The following WNT9B variants were observed in gnomAD, a reference collection of about 807,000 sequenced individuals.
WNT9B encodes the protein protein Wnt-9b.
Under a neutral mutation model 30.2 loss-of-function variants are expected in WNT9B, and 12 were observed. The observed-to-expected ratio is 0.40, with a 90% confidence interval of 0.26 to 0.64. WNT9B has a LOEUF of 0.64. Ranked by LOEUF, WNT9B falls within the 30% of genes least tolerant of loss-of-function variation. The probability of loss-of-function intolerance (pLI) is 0.42; values close to 1 mark genes in which losing one functional copy is unlikely to be tolerated. For missense variants in WNT9B, 442 were observed against 485.2 expected, an observed-to-expected ratio of 0.91 and a Z score of 0.84; for synonymous variants, 218 against 216.9, an observed-to-expected ratio of 1.01 and a Z score of -0.05.
At chr17:46,883,127 C>G (rs183175932), downstream of WNT9B, among the ~76,000 whole-genome samples, 3 of 150,684 alleles carry the variant, frequency 2.0e-5, no homozygotes, top group African/African-American at 4.9e-5. Flanking sequence ...TCCAGGTGCC[C>G]GCCACCACGC....
intron 1 of WNT9B, among the ~76,000 whole-genome samples, chr17:46,861,665 T>C (rs1434122889): frequency 6.6e-6 from 1 of 152,122 alleles, no homozygotes; most frequent in East Asian, 1.9e-4. Flanking sequence ...TGGCCTCTTC[T>C]ACACCCAAGC....
chr17:46,876,796 G>T lies in WNT9B; in HGVS notation c.*78G>T. On this transcript the variant is annotated 3_prime_UTR_variant, in exon 4 of 4. Coordinates refer to ENST00000290015, the MANE Select transcript of WNT9B (RefSeq NM_003396.3). The stretch of plus-strand genomic sequence containing the variant: ...TTCAAGCTGCCCAGCCGGCCCTCTG[G>T]GCAGACTGTCATCACATGCATGCAT... 6.8e-7 allele frequency: 1 copy of T among 1,459,906 alleles called. No individual in the cohort carries two copies. The highest frequency in any genetic ancestry group is 9.1e-7 in the Non-Finnish European group (1 of 1,102,338). The allele number at this position is 1,459,906 out of a possible 1,614,324, so 90.4% of individuals were successfully genotyped here. A position where few individuals can be genotyped will look rare whatever the true frequency, so the allele number is the denominator to read the frequency against.
chr17:46,838,941 G>T (rs2084666134), intron 1 of WNT9B, among the ~76,000 whole-genome samples: 1 of 152,018 alleles, frequency 6.6e-6, no homozygotes, highest in Non-Finnish European at 1.5e-5. Flanking sequence ...GAAGTGGAGT[G>T]ATCTTGGCTC....
At chr17:46,876,130 C>A in intron 3 of WNT9B, 115 bp from the exon 4 acceptor site, 1 of 1,011,612 alleles carries the variant, frequency 9.9e-7, no homozygotes. Flanking sequence ...GGCTGAGACC[C>A]TGGGTCTCTT....
chr17:46,880,612 C>T (rs946148146), downstream of WNT9B, among the ~76,000 whole-genome samples: 5 of 152,126 alleles, frequency 3.3e-5, no homozygotes, highest in African/African-American at 7.2e-5. Flanking sequence ...ACATGGTCCC[C>T]GTAATGGATA....
In WNT9B at chr17:46,842,774, A is replaced by G. The variant is rs1184130763; in HGVS notation, c.95+9334A>G. Among the ~76,000 whole-genome samples, 3 of 152,204 alleles carry G rather than the reference A, an allele frequency of 2.0e-5. No homozygotes were observed. The East Asian group carries it at 5.8e-4, about 29-fold the overall frequency. ...GTGATGCTCAAAACGTAGCTGTGGA[A>G]TGATTAGTTTTTTGAAACCATCCAG... On this transcript the variant is annotated intron_variant, in intron 1 of 2. Coordinates refer to the WNT9B transcript ENST00000575372.
At chr17:46,867,853 G>A (rs2085165810) in intron 1 of WNT9B, among the ~76,000 whole-genome samples, 1 of 152,102 alleles carries the variant, frequency 6.6e-6, no homozygotes, top group Non-Finnish European at 1.5e-5. Flanking sequence ...CAAGTGGTTG[G>A]GGGTGTCCTG....
chr17:46,838,310 C>T lies in WNT9B; in HGVS notation c.95+4870C>T, dbSNP rs9905276. ...GGTCAGTGGATCAGAAGAGATAGAA[C>T]GGGGCCTGCCTTAAAAAAAAAAAAA... On this transcript the variant is annotated intron_variant, in intron 1 of 2. Transcript: ENST00000575372. Among the ~76,000 whole-genome samples, 1,276 of 146,744 alleles carry T rather than the reference C, an allele frequency of 8.7e-3. 13 individuals are homozygous for T. The highest frequency in any genetic ancestry group is 0.032 in the African/African-American group (1,232 of 38,612).
chr17:46,838,323 A>T (rs899225260), intron 1 of WNT9B, among the ~76,000 whole-genome samples: 4 of 114,914 alleles, frequency 3.5e-5, no homozygotes, highest in African/African-American at 4.7e-5. Flanking sequence ...GGCCTGCCTT[A>T]AAAAAAAAAA....
intron 1 of WNT9B, among the ~76,000 whole-genome samples, chr17:46,863,029 C>T (rs2085067816): frequency 6.6e-6 from 1 of 152,236 alleles, no homozygotes; most frequent in South Asian, 2.1e-4. Flanking sequence ...GGTACAGGGC[C>T]CCACAGGGGC....
rs760884688 is a variant in WNT9B at position 46,876,235 on chromosome 17, T to TC, written c.601-5dup. ...CCTCTGACCACGCCTCTGTTCTGCC[T>TC]CCCCCACAGGCTGTGAAGAGTGGCC... On this transcript the variant is annotated splice_polypyrimidine_tract_variant and intron_variant, in intron 3 of 3. Transcript: ENST00000290015. 1 of 1,593,810 alleles carries TC rather than the reference T, an allele frequency of 6.3e-7. No homozygotes were observed. Among genetic ancestry groups the TC allele is most frequent in the African/African-American group, 1.3e-5 (1 of 74,664 alleles).
At chr17:46,884,604 G>A (rs1264996175), downstream of WNT9B, among the ~76,000 whole-genome samples, 4 of 152,216 alleles carry the variant, frequency 2.6e-5, no homozygotes, top group Admixed American at 1.3e-4. Flanking sequence ...GTTGTTTTGC[G>A]CAGGCTTCAT....
chr17:46,851,230 A>G (rs1298525515), upstream of WNT9B, among the ~76,000 whole-genome samples: 1 of 151,778 alleles, frequency 6.6e-6, no homozygotes, highest in African/African-American at 2.4e-5. This position sits in a 1 kb window ranked among gnomAD's most constrained non-coding sequence, Gnocchi z 4.3. Flanking sequence ...CGGAGAAGCC[A>G]TTGCGCTTGC....
chr17:46,876,626 G>T lies in WNT9B; in HGVS notation c.982G>T (p.Ala328Ser), dbSNP rs769012279. 2 of 1,610,394 alleles carry T rather than the reference G, an allele frequency of 1.2e-6. No individual in the cohort carries two copies. The highest frequency in any genetic ancestry group is 2.2e-5 in the South Asian group (2 of 90,868). Residue 328 changes from alanine to serine, a missense_variant, in exon 4 of 4, where the codon GCC becomes TCC. Transcript: ENST00000290015. The part of the protein sequence containing the change: ...RGYDTQSRLV[A>S]FSCHCQVQWC... The stretch of plus-strand genomic sequence containing the variant: ...CTATGACACCCAGAGCCGCCTGGTG[G>T]CCTTCTCCTGCCACTGCCAGGTGCA...
chr17:46,856,488 CTT>C (rs34179433), intron 1 of WNT9B, among the ~76,000 whole-genome samples: 19 of 143,012 alleles, frequency 1.3e-4, no homozygotes, highest in South Asian at 2.2e-4. Context: ...CTTTTTCTTT[CTT>C]TTTTTTTTTT....
At position 46,879,374 on chromosome 17, in the gene WNT9B, T is replaced by A. The variant is rs2085393388; in HGVS notation, c.*2656T>A. ...CTGTGATGAGCCCTGGTGGGCTCCA[T>A]CCAGACCCTCCTTGTGATGTTTTTG... is the stretch of plus-strand genomic sequence containing the variant. On this transcript the variant is annotated 3_prime_UTR_variant, in exon 4 of 4. Coordinates refer to ENST00000290015, the MANE Select transcript of WNT9B (RefSeq NM_003396.3). Among the ~76,000 whole-genome samples the A allele has an allele frequency of 6.6e-6, 1 of 152,226 alleles. No homozygotes were observed. Among genetic ancestry groups the A allele is most frequent in the African/African-American group, 2.4e-5 (1 of 41,460 alleles).
chr17:46,882,854 G>A (rs933455206), downstream of WNT9B, among the ~76,000 whole-genome samples: 3 of 152,114 alleles, frequency 2.0e-5, no homozygotes, highest in African/African-American at 4.8e-5. Flanking sequence ...AGAGATGGCT[G>A]GCATGCACGG....
chr17:46,883,294 T>C (rs555505766), downstream of WNT9B, among the ~76,000 whole-genome samples: 2 of 149,538 alleles, frequency 1.3e-5, no homozygotes, highest in Admixed American at 1.3e-4. Flanking sequence ...TTTTTTTTTT[T>C]CCTTTGTGAG....
At chr17:46,868,467 G>A (rs1207833881) in intron 1 of WNT9B, among the ~76,000 whole-genome samples, 2 of 152,022 alleles carry the variant, frequency 1.3e-5, no homozygotes, top group Non-Finnish European at 2.9e-5. Flanking sequence ...GTGGTGGCAC[G>A]TGCCCATAAT....
Sources: allele counts gnomAD v4.1 joint callset (sites outside exome capture counted in the v4.1 genomes callset), GRCh38; gene constraint gnomAD v4.1.1; non-coding constraint Gnocchi (gnomAD v3.1); transcripts MANE v1.5; gene names NCBI Gene and HGNC (gene_info 2026-07-23, HGNC 2026-07-21).